PDE8A: variants seen among roughly 807,000 people sequenced by gnomAD.
PDE8A encodes phosphodiesterase 8A.
In PDE8A, 59 loss-of-function variants were observed where a neutral mutation model predicts 105.0. The ratio of observed to expected loss-of-function variants is 0.56; its 90% CI spans 0.46 to 0.70. The LOEUF (loss-of-function observed/expected upper bound fraction) is 0.70. Ranked by LOEUF, PDE8A falls within the 30% of genes least tolerant of loss-of-function variation. The probability of loss-of-function intolerance (pLI) is 0.00; values close to 1 mark genes in which losing one functional copy is unlikely to be tolerated. For synonymous variants in PDE8A, 355 were observed against 371.9 expected (o/e 0.95, Z 0.52); for missense variants, 1,014 against 1,045.9 (o/e 0.97, Z 0.42).
At chr15:84,981,461 C>T (rs1391341918), upstream of PDE8A, among the ~76,000 whole-genome samples, 2 of 152,182 alleles carry the variant, frequency 1.3e-5, no homozygotes, top group South Asian at 2.1e-4. Flanking sequence ...ACGGTGCGGC[C>T]CCAGGCCCCG....
intron 1 of PDE8A, among the ~76,000 whole-genome samples, chr15:85,052,640 C>G (rs1337706322): frequency 6.6e-6 from 1 of 152,198 alleles, no homozygotes; most frequent in Non-Finnish European, 1.5e-5. Context: ...AGTGTCTGTT[C>G]ATATCCTTTG....
chr15:85,048,728 T>C (rs550763670), intron 1 of PDE8A, among the ~76,000 whole-genome samples: 1 of 152,362 alleles, frequency 6.6e-6, no homozygotes, highest in South Asian at 2.1e-4. Context: ...TCAGAGCCTC[T>C]TGCTTTCCTT....
intron 1 of PDE8A, among the ~76,000 whole-genome samples, chr15:85,049,617 T>C (rs1377312904): frequency 6.6e-6 from 1 of 152,240 alleles, no homozygotes; most frequent in Non-Finnish European, 1.5e-5. Flanking sequence ...AGAAATAGGA[T>C]CTCACTGTGT....
intron 11 of PDE8A, among the ~76,000 whole-genome samples, chr15:85,100,840 G>A (rs544837740): frequency 2.6e-5 from 4 of 152,286 alleles, no homozygotes; most frequent in South Asian, 4.1e-4. Flanking sequence ...GACACTTGGC[G>A]TGCCACCCTG....
intron 2 of PDE8A, among the ~76,000 whole-genome samples, chr15:85,066,258 T>G (rs1315936782): frequency 2.0e-5 from 3 of 152,128 alleles, no homozygotes; most frequent in Non-Finnish European, 2.9e-5. Flanking sequence ...AGTGGGTTTC[T>G]TAGCAAAAAA....
Position 85,126,389 on chromosome 15 carries a change from C to A in PDE8A, c.2253+15C>A. 6.5e-7 allele frequency: 1 copy of A among 1,529,430 alleles called. No homozygotes were observed. The highest frequency in any genetic ancestry group is 1.3e-5 in the South Asian group (1 of 75,502). The allele number at this position is 1,529,430 out of a possible 1,614,324, so 94.7% of individuals were successfully genotyped here. ...ATTTTTCTCAGGTAAGTTGCTGCCT[C>A]TTTTAAGTTTCTAGAGAGAGAGAGA... On this transcript the variant is annotated intron_variant, in intron 20 of 21. Transcript: ENST00000394553.
chr15:85,045,681 C>A (rs1461626426), intron 1 of PDE8A, among the ~76,000 whole-genome samples: 1 of 152,166 alleles, frequency 6.6e-6, no homozygotes, highest in Non-Finnish European at 1.5e-5. Flanking sequence ...GTTCTTTGTA[C>A]TCCTAGTATC....
intron 1 of PDE8A, among the ~76,000 whole-genome samples, chr15:85,011,646 T>C (rs562634629): frequency 2.0e-5 from 3 of 152,172 alleles, no homozygotes; most frequent in Non-Finnish European, 4.4e-5. Flanking sequence ...GCAAGGACTT[T>C]ATGTCTAAAA....
intron 1 of PDE8A, among the ~76,000 whole-genome samples, chr15:85,006,430 G>A (rs2080148745): frequency 6.6e-6 from 1 of 152,134 alleles, no homozygotes; most frequent in Admixed American, 6.5e-5. Context: ...CATGGTCCAG[G>A]CACTCAGTTA....
chr15:85,064,793 C>A (rs2081196349), intron 2 of PDE8A, among the ~76,000 whole-genome samples: 1 of 152,030 alleles, frequency 6.6e-6, no homozygotes, highest in Non-Finnish European at 1.5e-5. Flanking sequence ...TAGGGAGACC[C>A]AGTTTCTGCA....
At chr15:85,006,597 A>T (rs983879269) in intron 1 of PDE8A, among the ~76,000 whole-genome samples, 1 of 151,946 alleles carries the variant, frequency 6.6e-6, no homozygotes, top group Non-Finnish European at 1.5e-5. Flanking sequence ...TATATTGTCT[A>T]TTACTTTGGC....
chr15:85,092,784 C>T (rs969079289), intron 8 of PDE8A, among the ~76,000 whole-genome samples: 2 of 152,128 alleles, frequency 1.3e-5, no homozygotes, highest in Admixed American at 6.5e-5. Context: ...CTCACCTTTG[C>T]TGGGGTTGTG....
chr15:85,013,635 G>A (rs147509482), intron 1 of PDE8A, among the ~76,000 whole-genome samples: 45 of 152,298 alleles, frequency 3.0e-4, no homozygotes, highest in African/African-American at 9.4e-4. Context: ...TGTTGTATTT[G>A]TTGCATAACA....
chr15:85,056,304 G>T (rs1000044562), intron 1 of PDE8A, among the ~76,000 whole-genome samples: 3 of 151,620 alleles, frequency 2.0e-5, no homozygotes, highest in Admixed American at 1.3e-4. Flanking sequence ...TGCTCTTCTC[G>T]AGGAGTATCT....
At chr15:84,996,823 CAAAAAAAAAAA>C (rs34363361) in intron 1 of PDE8A, among the ~76,000 whole-genome samples, 7,310 of 53,926 alleles carry the variant, frequency 0.14, 590 homozygotes, top group African/African-American at 0.33. Flanking sequence ...AAGACTCTCT[CAAAAAAAAAAA>C]AAAAAAAAAA....
intron 8 of PDE8A, among the ~76,000 whole-genome samples, chr15:85,095,673 A>G (rs961731413): frequency 6.6e-6 from 1 of 151,604 alleles, no homozygotes; most frequent in African/African-American, 2.4e-5. Context: ...TATTTATGTA[A>G]GTAAATATTT....
upstream of PDE8A, among the ~76,000 whole-genome samples, chr15:84,981,029 C>T (rs537493506): frequency 3.3e-5 from 5 of 152,216 alleles, no homozygotes; most frequent in African/African-American, 9.6e-5. Flanking sequence ...TTCACTACCC[C>T]CAAAGGAGGT....
At chr15:85,026,819 A>G (rs935019774) in intron 1 of PDE8A, among the ~76,000 whole-genome samples, 1 of 152,198 alleles carries the variant, frequency 6.6e-6, no homozygotes, top group African/African-American at 2.4e-5. Flanking sequence ...AAAACAAGTT[A>G]GAATATAGAA....
intron 9 of PDE8A, among the ~76,000 whole-genome samples, chr15:85,099,594 A>C (rs1409934687): frequency 6.6e-6 from 1 of 152,220 alleles, no homozygotes; most frequent in East Asian, 1.9e-4. Context: ...GTTCAGTGTG[A>C]ACCTCAACTC....
Sources: gnomAD v4.1 joint callset for allele counts (sites outside exome capture counted in the v4.1 genomes callset) on GRCh38, gnomAD v4.1.1 for gene constraint, MANE v1.5 for transcripts, NCBI Gene and HGNC (gene_info 2026-07-23, HGNC 2026-07-21) for gene names.